ACAA1: variants seen among roughly 807,000 people sequenced by gnomAD.
ACAA1 encodes the protein acetyl-CoA acyltransferase 1.
A neutral mutation model predicts 48.8 loss-of-function variants in ACAA1; 44 were observed. That is an observed-to-expected ratio of 0.90 (90% CI 0.71 to 1.16). ACAA1 has a LOEUF of 1.16. Among genes scored for constraint, ACAA1 ranks in the 50% most tolerant of loss-of-function variants. The pLI, the probability that ACAA1 is intolerant of heterozygous loss-of-function variation, is 0.00. For synonymous variants in ACAA1, 233 were observed against 226.5 expected (o/e 1.03, Z -0.26); for missense variants, 512 against 562.3 (o/e 0.91, Z 0.90).
chr3:38,130,341 C>G (rs939263237), intron 5 of ACAA1, among the ~76,000 whole-genome samples: 1 of 152,228 alleles, frequency 6.6e-6, no homozygotes, highest in South Asian at 2.1e-4. Flanking sequence ...GTTGCTATTA[C>G]TCCATTTATT....
Position 38,136,909 on chromosome 3 carries a change from C to A in ACAA1, c.127G>T (p.Gly43Trp). Residue 43 changes from glycine to tryptophan, a missense_variant, in exon 1 of 12, where the codon GGG (glycine) becomes TGG (tryptophan). Gly to Trp is a radical substitution (Grantham distance 184). Coordinates refer to ENST00000333167, the MANE Select transcript of ACAA1 (RefSeq NM_001607.4). ...ASAADVVVVH[G>W]RRTAICRAGR... is the part of the protein sequence containing the mutation. ...GCCCGGCAGATGGCCGTGCGCCGCC[C>A]GTGCACCACCACCACGTCCGCGGCC... 2.6e-6 allele frequency: 4 copies of A among 1,535,796 alleles called. No homozygotes were observed. In the South Asian group the frequency reaches 3.6e-5, roughly 14 times the overall value.
At position 38,136,593 on chromosome 3, in the gene ACAA1, G is replaced by C; in HGVS notation, c.264C>G (p.Val88=). The C allele has an allele frequency of 6.2e-7, 1 of 1,613,982 alleles. No homozygotes were observed. Among genetic ancestry groups the C allele is most frequent in the East Asian group, 2.2e-5 (1 of 44,880 alleles). ...GCAGGGCCTGAGTGGTTCGCTCACC[G>C]ACACAGATGTCCCCCAGCTGTTCCG... ...LRPEQLGDIC[V]GNVLQPGAGA... Residue 88 remains valine (V), a splice_region_variant and synonymous_variant, in exon 2 of 12, where the codon GTC becomes GTG. Coordinates refer to ENST00000333167, the MANE Select transcript of ACAA1 (RefSeq NM_001607.4).
chr3:38,130,762 T>C (rs1476053411), intron 5 of ACAA1, among the ~76,000 whole-genome samples: 1 of 152,230 alleles, frequency 6.6e-6, no homozygotes, highest in Non-Finnish European at 1.5e-5. Flanking sequence ...AGAGTGGTCT[T>C]TGGCTTTATT....
intron 6 of ACAA1, among the ~76,000 whole-genome samples, chr3:38,128,718 A>G (rs746010439): frequency 2.6e-4 from 40 of 152,094 alleles, no homozygotes; most frequent in Non-Finnish European, 5.4e-4. Flanking sequence ...CAGCCTCCCA[A>G]GTAGCTGGGA....
Position 38,131,616 on chromosome 3 carries a change from A to C in ACAA1, c.426T>G (p.Tyr142Ter), listed in dbSNP as rs770283001. 1 of 1,614,242 alleles carries C rather than the reference A, an allele frequency of 6.2e-7. No homozygotes were observed. Among genetic ancestry groups the C allele is most frequent in the Non-Finnish European group, 8.5e-7 (1 of 1,180,042 alleles). Residue 142 changes from tyrosine to a stop codon, truncating the protein, a stop_gained, in exon 5 of 12, where the codon TAT (tyrosine) becomes TAG (stop). Transcript: ENST00000333167. LOFTEE classifies it high-confidence loss of function. ...CTTACCCACAGGCCATGCCAATGTC[A>C]TAAGACCCATTTCTGATGCCACCTG... ...SIAGGIRNGS[Y>*]DIGMACGVES...
rs1391336596 is a variant in ACAA1, at chr3:38,131,611, A to G, written c.431T>C (p.Ile144Thr). 6.2e-7 allele frequency: 1 copy of G among 1,614,116 alleles called. No individual in the cohort carries two copies. The highest frequency in any genetic ancestry group is 8.5e-7 in the Non-Finnish European group (1 of 1,180,050). Residue 144 changes from isoleucine (I) to threonine (T), a missense_variant, in exon 5 of 12, where the codon ATT (isoleucine) becomes ACT (threonine). By Grantham distance (89) the Ile-to-Thr change is moderately conservative. Coordinates refer to ENST00000333167, the MANE Select transcript of ACAA1 (RefSeq NM_001607.4). The part of the protein sequence containing the change: ...AGGIRNGSYD[I>T]GMACGVESMS... ...AAATTCTTACCCACAGGCCATGCCA[A>G]TGTCATAAGACCCATTTCTGATGCC... is the stretch of plus-strand genomic sequence containing the variant.
chr3:38,133,848 G>T, intron 3 of ACAA1, 104 bp downstream of exon 3: 1 of 1,194,378 alleles, frequency 8.4e-7, no homozygotes, highest in Non-Finnish European at 1.2e-6. Flanking sequence ...CCTCATTCTG[G>T]TGTCCAACCT....
Position 38,122,730 on chromosome 3 carries a change from T to C in ACAA1, c.*317A>G. On this transcript the variant is annotated 3_prime_UTR_variant, in exon 12 of 12. Transcript: ENST00000333167. ...GCCACTAAGATAAATTCATGCACTT[T>C]TACTATGCCCATTGCACTTCTCATC... 1 of 1,335,008 alleles carries C rather than the reference T, an allele frequency of 7.5e-7. No homozygotes were observed. Among genetic ancestry groups the C allele is most frequent in the Non-Finnish European group, 9.8e-7 (1 of 1,018,106 alleles). The allele number at this position is 1,335,008 out of a possible 1,614,324, so 82.7% of individuals were successfully genotyped here.
rs1014755952 is a variant in ACAA1 at position 38,131,865 on chromosome 3, C to T, written c.403+61G>A. The stretch of plus-strand genomic sequence containing the variant: ...TAATTATTGCTTGCCCGGCAGACAG[C>T]GACTTTGCTGACCCAAACCCACAGG... On this transcript the variant is annotated intron_variant, in intron 4 of 11. Transcript: ENST00000333167. 1.5e-5 allele frequency: 22 copies of T among 1,496,480 alleles called. No individual in the cohort carries two copies. In the African/African-American group the frequency reaches 1.9e-4, roughly 13 times the overall value. 92.7% of individuals were successfully genotyped at this position (1,496,480 alleles called of 1,614,324 possible). A position where few individuals can be genotyped will look rare whatever the true frequency, so the allele number is the denominator to read the frequency against.
At position 38,129,097 on chromosome 3, in the gene ACAA1, G is replaced by A. The variant is rs989794749; in HGVS notation, c.545+193C>T. 1.3e-5 allele frequency among the ~76,000 whole-genome samples: 2 copies of A among 152,180 alleles called. No homozygotes were observed. Among genetic ancestry groups the A allele is most frequent in the African/African-American group, 4.8e-5 (2 of 41,452 alleles). On this transcript the variant is annotated intron_variant, in intron 6 of 11. Transcript: ENST00000333167. The surrounding 1 kb of genome is among the most constrained non-coding windows in gnomAD (Gnocchi z 5.3). ...GTTTGGAAACTCGGGGGCACAGAGA[G>A]GACCTGGGGCCTTCAGGAAATGGAA... is the stretch of plus-strand genomic sequence containing the variant.
chr3:38,125,894 T>A lies in ACAA1; in HGVS notation c.998-13A>T. The A allele has an allele frequency of 6.2e-7, 1 of 1,614,042 alleles. No homozygotes were observed. The highest frequency in any genetic ancestry group is 8.5e-7 in the Non-Finnish European group (1 of 1,180,010). On this transcript the variant is annotated splice_polypyrimidine_tract_variant and intron_variant, in intron 9 of 11. Coordinates refer to ENST00000333167, the MANE Select transcript of ACAA1 (RefSeq NM_001607.4). ...CTCACTGTCAGCCCTGCAGACAAGG[T>A]AAAGACCTGAGCTGACACACTGGCC... is the stretch of plus-strand genomic sequence containing the variant.
intron 3 of ACAA1, 111 bp downstream of exon 3, chr3:38,133,841 C>T: frequency 8.9e-7 from 1 of 1,121,666 alleles, no homozygotes; most frequent in East Asian, 2.4e-5. Context: ...CTCGTTGCCT[C>T]ATTCTGGTGT....
chr3:38,131,866 G>T, intron 4 of ACAA1, 60 bp downstream of exon 4: 1 of 1,498,296 alleles, frequency 6.7e-7, no homozygotes, highest in Admixed American at 1.7e-5. Flanking sequence ...GGCAGACAGC[G>T]ACTTTGCTGA....
chr3:38,128,011 G>C, intron 6 of ACAA1, 145 bp from the exon 7 acceptor site: 1 of 752,024 alleles, frequency 1.3e-6, no homozygotes, highest in Non-Finnish European at 2.4e-6. Context: ...ACAGACAGTA[G>C]TGATGACTCA....
chr3:38,134,408 G>A, intron 2 of ACAA1: 1 of 442,392 alleles, frequency 2.3e-6, no homozygotes, highest in South Asian at 1.7e-5. Flanking sequence ...GGCATCCGCT[G>A]GATAAGACTC....
chr3:38,131,893 C>T lies in ACAA1; in HGVS notation c.403+33G>A, dbSNP rs77229058. The T allele has an allele frequency of 1.9e-3, 2,957 of 1,595,840 alleles. 35 individuals carry two copies. In the African/African-American group the frequency reaches 0.035, roughly 19 times the overall value. On this transcript the variant is annotated intron_variant, in intron 4 of 11. Transcript: ENST00000333167. ...CTTTGCTGACCCAAACCCACAGGTC[C>T]AGGACCAAGGCACCCACCCAGTCAT...
chr3:38,127,364 A>G (rs1017843553), intron 7 of ACAA1, among the ~76,000 whole-genome samples: 2 of 152,114 alleles, frequency 1.3e-5, no homozygotes, highest in South Asian at 2.1e-4. Context: ...GGACTTGCCA[A>G]TCTTAGCCTG....
chr3:38,129,347 T>G lies in ACAA1; in HGVS notation c.488A>C (p.Asn163Thr), dbSNP rs145740203. ...CTTCTCCATCAAGCGCGAAGTAATATTTCCAGGGTTCCCTCTGTCAGCCAG... is the reference window on the plus strand; with the variant it reads ...CTTCTCCATCAAGCGCGAAGTAATAGTTCCAGGGTTCCCTCTGTCAGCCAG... ...MSLADRGNPGNITSRLMEKEK... is the reference protein window; with the variant it reads ...MSLADRGNPGTITSRLMEKEK... Residue 163 changes from asparagine (N) to threonine (T), a missense_variant, in exon 6 of 12, where the codon AAT (asparagine) becomes ACT (threonine). Asn to Thr is a moderately conservative substitution (Grantham distance 65). Transcript: ENST00000333167. This position sits in a 1 kb window ranked among gnomAD's most constrained non-coding sequence, Gnocchi z 5.3. 2.5e-6 allele frequency: 4 copies of G among 1,613,984 alleles called. No individual in the cohort carries two copies. Among genetic ancestry groups the G allele is most frequent in the Non-Finnish European group, 3.4e-6 (4 of 1,180,008 alleles).
Position 38,125,456 on chromosome 3 carries a change from GTGTC to G in ACAA1, c.1199+105_1199+108del. 4 of 1,359,088 alleles carry G rather than the reference GTGTC, an allele frequency of 2.9e-6. No homozygotes were observed. In the East Asian group the frequency reaches 7.1e-5, roughly 24 times the overall value. 84.2% of individuals were successfully genotyped at this position (1,359,088 alleles called of 1,614,324 possible). A position where few individuals can be genotyped will look rare whatever the true frequency, so the allele number is the denominator to read the frequency against. ...ATTTGGGATTATGGTGCTCAGGACT[GTGTC>G]TGTCGAGATTATGATCCAAAGCCCA... On this transcript the variant is annotated intron_variant, in intron 11 of 11. Transcript: ENST00000333167.
Sources: allele counts gnomAD v4.1 joint callset (sites outside exome capture counted in the v4.1 genomes callset), GRCh38; gene constraint gnomAD v4.1.1; non-coding constraint Gnocchi (gnomAD v3.1); transcripts MANE v1.5; gene names NCBI Gene and HGNC (gene_info 2026-07-23, HGNC 2026-07-21).